BCAR1: variants seen among roughly 807,000 people sequenced by gnomAD.
The protein encoded by BCAR1 is breast cancer anti-estrogen resistance protein 1.
BCAR1 carries 30 observed loss-of-function variants against 67.6 expected under a neutral mutation model. The observed-to-expected ratio is 0.44, with a 90% CI of 0.33 to 0.60. BCAR1 has a LOEUF of 0.60. Among genes scored for constraint, BCAR1 ranks in the 20% least tolerant of loss-of-function variants. The pLI, the probability that BCAR1 is intolerant of heterozygous loss-of-function variation, is 0.02. For synonymous variants in BCAR1, 626 were observed against 556.7 expected (o/e 1.12, Z -1.75); for missense variants, 1,313 against 1,222.3 (o/e 1.07, Z -1.11).
At chr16:75,244,544 G>T (rs932860269) in intron 1 of BCAR1, among the ~76,000 whole-genome samples, 1 of 152,254 alleles carries the variant, frequency 6.6e-6, no homozygotes, top group Non-Finnish European at 1.5e-5. Flanking sequence ...GGCCTGGGTA[G>T]GCAGTAGTTG....
chr16:75,238,884 C>T, intron 2 of BCAR1: 2 of 985,382 alleles, frequency 2.0e-6, no homozygotes, highest in African/African-American at 1.7e-5. Flanking sequence ...GGCCTCCCAG[C>T]CTCCCAAAGG....
intron 1 of BCAR1, chr16:75,267,792 G>GGAGCT (rs1471333485): frequency 9.7e-7 from 1 of 1,026,420 alleles, no homozygotes; most frequent in Non-Finnish European, 1.4e-6. Context: ...GGGCGCAGAT[G>GGAGCT]GAGCTGGACC....
chr16:75,258,087 C>T (rs148339039), intron 1 of BCAR1, among the ~76,000 whole-genome samples: 4 of 152,308 alleles, frequency 2.6e-5, no homozygotes, highest in Non-Finnish European at 4.4e-5. Flanking sequence ...TCCCACTGCC[C>T]GCAGCATACC....
intron 1 of BCAR1, chr16:75,266,767 G>T (rs760434044): frequency 6.9e-6 from 10 of 1,451,672 alleles, no homozygotes; most frequent in Non-Finnish European, 9.2e-6. Context: ...TCCTGGGGAC[G>T]GTGGGTGAGC....
chr16:75,237,505 C>A, intron 2 of BCAR1, 161 bp from the exon 3 acceptor site: 1 of 841,666 alleles, frequency 1.2e-6, no homozygotes, highest in Non-Finnish European at 1.7e-6. Context: ...TCTGCACCAT[C>A]TGACCTTCCT....
At chr16:75,250,710 T>G (rs1371695520) in intron 1 of BCAR1, 2 of 985,316 alleles carry the variant, frequency 2.0e-6, no homozygotes, top group African/African-American at 3.5e-5. Flanking sequence ...GAGAGGGAGC[T>G]CCGACCCTGC....
intron 3 of BCAR1, 23 bp downstream of exon 3, chr16:75,237,160 A>T: frequency 2.7e-6 from 4 of 1,500,466 alleles, no homozygotes; most frequent in Non-Finnish European, 3.5e-6. Flanking sequence ...CTGCCCTCCC[A>T]CCGCTGCGCA....
At position 75,242,822 on chromosome 16, in the gene BCAR1, G is replaced by C; in HGVS notation, c.281C>G (p.Pro94Arg). ...QPQPGLHAPAPPASQYTPMLP... is the reference protein window; with the variant it reads ...QPQPGLHAPARPASQYTPMLP... ...CATGGGCGTGTACTGGGAGGCCGGAGGCGCTGGGGCATGGAGGCCAGGCTG... is the reference window on the plus strand; with the variant it reads ...CATGGGCGTGTACTGGGAGGCCGGACGCGCTGGGGCATGGAGGCCAGGCTG... Residue 94 changes from proline to arginine, a missense_variant, in exon 2 of 7, where the codon CCT (proline) becomes CGT (arginine). Physicochemically the swap from Pro to Arg is moderately radical, Grantham distance 103. Transcript: ENST00000162330. The C allele has an allele frequency of 6.2e-7, 1 of 1,605,738 alleles. No individual in the cohort carries two copies. The highest frequency in any genetic ancestry group is 8.5e-7 in the Non-Finnish European group (1 of 1,176,788).
At chr16:75,251,084 C>G (rs1230405400) in intron 1 of BCAR1, 1 of 688,210 alleles carries the variant, frequency 1.5e-6, no homozygotes, top group African/African-American at 1.9e-5. Context: ...CCGGACCACC[C>G]GCCAGAGGCT....
chr16:75,260,766 T>C (rs955592150), intron 1 of BCAR1, among the ~76,000 whole-genome samples: 38 of 151,854 alleles, frequency 2.5e-4, no homozygotes, highest in African/African-American at 8.9e-4. Context: ...CATTTGGCAT[T>C]ACAAATACCA....
chr16:75,243,677 G>A (rs969984429), intron 1 of BCAR1, among the ~76,000 whole-genome samples: 5 of 152,194 alleles, frequency 3.3e-5, no homozygotes, highest in Non-Finnish European at 5.9e-5. Context: ...TCCTGGCCCC[G>A]TCGCCCTCAG....
At chr16:75,232,179 G>T (rs541555371) in intron 6 of BCAR1, among the ~76,000 whole-genome samples, 25 of 147,346 alleles carry the variant, frequency 1.7e-4, no homozygotes, top group Non-Finnish European at 6.0e-5. Flanking sequence ...TATTTTTTTT[G>T]AGACGGAATC....
intron 2 of BCAR1, chr16:75,239,101 C>G: frequency 5.1e-6 from 5 of 985,356 alleles, no homozygotes; most frequent in Non-Finnish European, 6.0e-6. Context: ...CCACAGTGAC[C>G]AAATGTTTCT....
Position 75,260,605 on chromosome 16 carries a change from G to C in BCAR1, c.66+7310C>G, listed in dbSNP as rs2077884655. Among the ~76,000 whole-genome samples, 7 of 144,456 alleles carry C rather than the reference G, an allele frequency of 4.8e-5. No homozygotes were observed. In the Admixed American group the frequency reaches 5.0e-4, roughly 10 times the overall value. 94.8% of individuals were successfully genotyped at this position (144,456 alleles called of 152,430 possible). Reference sequence around the variant, plus strand: ...GCTGATATCAGGCCACTGCACTCCAGCCTGGGTGACAGAGTGAGACTCCAT... The same window carrying C: ...GCTGATATCAGGCCACTGCACTCCACCCTGGGTGACAGAGTGAGACTCCAT... On this transcript the variant is annotated intron_variant, in intron 1 of 6. Transcript: ENST00000393422.
chr16:75,239,658 T>G (rs993586341), intron 2 of BCAR1, among the ~76,000 whole-genome samples: 1 of 152,030 alleles, frequency 6.6e-6, no homozygotes, highest in African/African-American at 2.4e-5. Flanking sequence ...GTTTCCTCCT[T>G]GGGAAATGGA....
chr16:75,250,861 C>G (rs1260099514), intron 1 of BCAR1: 1 of 985,424 alleles, frequency 1.0e-6, no homozygotes, highest in Non-Finnish European at 1.2e-6. Flanking sequence ...CGGCGCTCGG[C>G]GTGCGGGGCT....
intron 5 of BCAR1, 108 bp downstream of exon 5, chr16:75,234,781 G>A (rs1416396987): frequency 3.4e-6 from 5 of 1,467,896 alleles, no homozygotes; most frequent in Non-Finnish European, 4.5e-6. Context: ...TGAGAGGAGG[G>A]TGCAGGGCCT....
At position 75,229,558 on chromosome 16, in the gene BCAR1, T is replaced by C. The variant is rs2076818366; in HGVS notation, c.2566A>G (p.Ser856Gly). Residue 856 changes from serine (S) to glycine (G), a missense_variant, in exon 7 of 7, where the codon AGC becomes GGC. Transcript: ENST00000162330. ...MVERVKELGHSTQQFRRVLGQ... is the reference protein window; with the variant it reads ...MVERVKELGHGTQQFRRVLGQ... The stretch of plus-strand genomic sequence containing the variant: ...AGGACGCGGCGGAACTGCTGGGTGC[T>C]GTGGCCCAGCTCCTTGACCCTCTCC... 1 of 1,606,134 alleles carries C rather than the reference T, an allele frequency of 6.2e-7. No individual in the cohort carries two copies. Among genetic ancestry groups the C allele is most frequent in the Middle Eastern group, 1.7e-4 (1 of 5,844 alleles).
intron 1 of BCAR1, chr16:75,250,819 T>TAGGACTCCTGTGGCC (rs2077658517): frequency 1.0e-6 from 1 of 985,384 alleles, no homozygotes; most frequent in Admixed American, 6.1e-5. Flanking sequence ...CGCGTGCGGC[T>TAGGACTCCTGTGGCC]AGGACTCCTG....
Sources: gnomAD v4.1 joint callset for allele counts (sites outside exome capture counted in the v4.1 genomes callset) on GRCh38, gnomAD v4.1.1 for gene constraint, MANE v1.5 for transcripts, NCBI Gene and HGNC (gene_info 2026-07-23, HGNC 2026-07-21) for gene names.